ZNF385B: variants seen among roughly 807,000 people sequenced by gnomAD.
ZNF385B encodes zinc finger protein 385B, also known as zinc finger protein 533.
A neutral mutation model predicts 39.2 loss-of-function variants in ZNF385B; 23 were observed. That is an observed-to-expected ratio of 0.59 (90% CI 0.42 to 0.83). ZNF385B has a LOEUF of 0.83. Among genes scored for constraint, ZNF385B ranks in the 40% least tolerant of loss-of-function variants. The pLI is 0.00. For missense variants in ZNF385B, 552 were observed against 598.9 expected, an observed-to-expected ratio of 0.92 and a Z score of 0.82; for synonymous variants, 205 against 222.6, an observed-to-expected ratio of 0.92 and a Z score of 0.70.
At chr2:179,827,832 T>C (rs1005636492) in intron 1 of ZNF385B, among the ~76,000 whole-genome samples, 1 of 152,186 alleles carries the variant, frequency 6.6e-6, no homozygotes. Context: ...ATCGACAAGA[T>C]TACCAAAACC....
intron 3 of ZNF385B, among the ~76,000 whole-genome samples, chr2:179,751,563 C>T (rs752469065): frequency 6.6e-6 from 1 of 151,970 alleles, no homozygotes; most frequent in Non-Finnish European, 1.5e-5. Flanking sequence ...GTTATAATAC[C>T]TATCATTAAT....
At chr2:179,559,642 G>T (rs191802968) in intron 3 of ZNF385B, among the ~76,000 whole-genome samples, 1 of 151,258 alleles carries the variant, frequency 6.6e-6, no homozygotes, top group Non-Finnish European at 1.5e-5. Context: ...TGACTGTCGG[G>T]TTTTTTTTAA....
chr2:179,663,468 TGGG>T (rs974380546), intron 3 of ZNF385B, among the ~76,000 whole-genome samples: 2 of 152,114 alleles, frequency 1.3e-5, no homozygotes, highest in Admixed American at 1.3e-4. Context: ...CCCAGCACTT[TGGG>T]AGGCCGAGGC....
At chr2:179,632,173 C>T (rs1176696090) in intron 3 of ZNF385B, among the ~76,000 whole-genome samples, 1 of 152,126 alleles carries the variant, frequency 6.6e-6, no homozygotes, top group Non-Finnish European at 1.5e-5. Context: ...ATATCCAGGA[C>T]TTTGACTCAG....
intron 3 of ZNF385B, among the ~76,000 whole-genome samples, chr2:179,679,408 A>C (rs1697295689): frequency 6.6e-6 from 1 of 152,180 alleles, no homozygotes. Flanking sequence ...ACTGAAAAAT[A>C]CTTCTAATCT....
At chr2:179,578,728 C>A (rs1239635722) in intron 3 of ZNF385B, among the ~76,000 whole-genome samples, 2 of 152,034 alleles carry the variant, frequency 1.3e-5, no homozygotes, top group Admixed American at 6.6e-5. Flanking sequence ...GTTCCTAAAG[C>A]TTGAAAGTCA....
At chr2:179,444,745 TTCTG>T in intron 9 of ZNF385B, 127 bp downstream of exon 9, 2 of 765,976 alleles carry the variant, frequency 2.6e-6, no homozygotes, top group Non-Finnish European at 4.5e-6. Flanking sequence ...ATTCTAAAAC[TTCTG>T]TCTATGAGGG....
At chr2:179,502,340 A>AG (rs760985724) in intron 5 of ZNF385B, among the ~76,000 whole-genome samples, 1 of 152,192 alleles carries the variant, frequency 6.6e-6, no homozygotes, top group Non-Finnish European at 1.5e-5. Context: ...GGCAGAGGCC[A>AG]GGGGAGGAAT....
At chr2:179,851,470 A>G (rs1207738883) in intron 1 of ZNF385B, among the ~76,000 whole-genome samples, 1 of 152,168 alleles carries the variant, frequency 6.6e-6, no homozygotes, top group Admixed American at 6.5e-5. Flanking sequence ...AAAAGAAAAG[A>G]AAGCTGACAT....
intron 3 of ZNF385B, among the ~76,000 whole-genome samples, chr2:179,629,342 C>A (rs1446965346): frequency 6.6e-6 from 1 of 152,200 alleles, no homozygotes; most frequent in African/African-American, 2.4e-5. Context: ...ATTACAGGAT[C>A]TGTCATGGTA....
intron 3 of ZNF385B, among the ~76,000 whole-genome samples, chr2:179,634,690 A>G (rs1259250555): frequency 6.6e-6 from 1 of 152,182 alleles, no homozygotes; most frequent in Non-Finnish European, 1.5e-5. Flanking sequence ...TGACCCAGCA[A>G]TCCCATTACT....
At chr2:179,846,770 G>C (rs1449007484) in intron 1 of ZNF385B, among the ~76,000 whole-genome samples, 1 of 152,222 alleles carries the variant, frequency 6.6e-6, no homozygotes, top group Non-Finnish European at 1.5e-5. Context: ...TCAGGCAGGG[G>C]CTAAGATTCT....
intron 1 of ZNF385B, among the ~76,000 whole-genome samples, chr2:179,772,591 C>T (rs896381911): frequency 2.6e-5 from 4 of 152,174 alleles, no homozygotes; most frequent in Admixed American, 6.5e-5. Context: ...GTCTCAGCAT[C>T]CACTTTTGGC....
chr2:179,684,639 A>T (rs1383173549), intron 3 of ZNF385B, among the ~76,000 whole-genome samples: 2 of 152,216 alleles, frequency 1.3e-5, no homozygotes, highest in Non-Finnish European at 2.9e-5. Flanking sequence ...GATGCTTGTC[A>T]AGTGATATTA....
rs897654704 is a variant in ZNF385B, at chr2:179,769,867, C to A, written c.-2-65G>T. On this transcript the variant is annotated intron_variant, in intron 2 of 9. Transcript: ENST00000410066. The stretch of plus-strand genomic sequence containing the variant: ...TATGCCTTATTTTCTAGTATGATTA[C>A]AATTAATCTTTAAGGGTTTGTTTAA... 3.5e-5 allele frequency: 50 copies of A among 1,440,900 alleles called. No individual in the cohort carries two copies. The Admixed American group carries it at 1.0e-3, about 30-fold the overall frequency. 89.3% of individuals were successfully genotyped at this position (1,440,900 alleles called of 1,614,324 possible). A position where few individuals can be genotyped will look rare whatever the true frequency, so the allele number is the denominator to read the frequency against.
chr2:179,560,376 G>A (rs554285436), intron 3 of ZNF385B, among the ~76,000 whole-genome samples: 3 of 152,220 alleles, frequency 2.0e-5, no homozygotes, highest in African/African-American at 7.2e-5. Flanking sequence ...AGTTCCCTTT[G>A]CTTTAAAAGA....
At chr2:179,788,681 T>C (rs1404023674) in intron 1 of ZNF385B, among the ~76,000 whole-genome samples, 4 of 152,020 alleles carry the variant, frequency 2.6e-5, no homozygotes, top group Admixed American at 6.6e-5. Flanking sequence ...ATCAGAGCAA[T>C]TGAGATTGTC....
chr2:179,651,685 T>A (rs945989304), intron 3 of ZNF385B, among the ~76,000 whole-genome samples: 1 of 152,156 alleles, frequency 6.6e-6, no homozygotes, highest in East Asian at 1.9e-4. Context: ...CTGATTTTTA[T>A]GAGAACCTCC....
At chr2:179,755,271 G>A (rs1241416141) in intron 3 of ZNF385B, among the ~76,000 whole-genome samples, 1 of 152,162 alleles carries the variant, frequency 6.6e-6, no homozygotes, top group African/African-American at 2.4e-5. Flanking sequence ...CTGAATTCTA[G>A]TTTGATTGCA....
Sources: allele counts gnomAD v4.1 joint callset (sites outside exome capture counted in the v4.1 genomes callset), GRCh38; gene constraint gnomAD v4.1.1; transcripts MANE v1.5; gene names NCBI Gene and HGNC (gene_info 2026-07-23, HGNC 2026-07-21).